The following NLGN1 variants were observed in gnomAD, a reference collection of about 807,000 sequenced individuals.
The protein encoded by NLGN1 is neuroligin-1.
A neutral mutation model predicts 65.5 loss-of-function variants in NLGN1; 12 were observed. The observed-to-expected ratio is 0.18, with a 90% CI of 0.12 to 0.30. NLGN1 has a LOEUF of 0.30. Ranked by LOEUF, NLGN1 falls within the 10% of genes least tolerant of loss-of-function variation. NLGN1 has a pLI of 1.00. For missense variants in NLGN1, 750 were observed against 1,007.1 expected (o/e 0.74, Z 3.46); for synonymous variants, 350 against 359.5 (o/e 0.97, Z 0.30).
intron 3 of NLGN1, among the ~76,000 whole-genome samples, chr3:173,792,621 C>A (rs983419063): frequency 6.6e-6 from 1 of 151,832 alleles, no homozygotes; most frequent in African/African-American, 2.4e-5. Context: ...TGTTCAACGG[C>A]ACAAGACTCA....
intron 3 of NLGN1, among the ~76,000 whole-genome samples, chr3:173,686,310 C>A (rs1248072088): frequency 6.6e-6 from 1 of 151,534 alleles, no homozygotes; most frequent in African/African-American, 2.4e-5. Flanking sequence ...AATAAAATTA[C>A]CCCAACTGTT....
At chr3:174,284,495 G>A (rs564120185) in exon 7 of NLGN1, 13 of 151,230 alleles carry the variant, frequency 8.6e-5, no homozygotes, top group Non-Finnish European at 1.5e-4. Flanking sequence ...TCCTGCCTCC[G>A]ATTAAAAATT....
At chr3:173,632,849 G>GTTTTTTTTTTTTTTTTTTTT (rs5854526) in intron 3 of NLGN1, among the ~76,000 whole-genome samples, 1 of 116,428 alleles carries the variant, frequency 8.6e-6, no homozygotes, top group Admixed American at 9.4e-5. Context: ...TTTTTTTTTT[G>GTTTTTTTTTTTTTTTTTTTT]TTTTTTTTTT....
chr3:173,908,156 A>C (rs1738838133), intron 4 of NLGN1, among the ~76,000 whole-genome samples: 1 of 152,218 alleles, frequency 6.6e-6, no homozygotes, highest in Non-Finnish European at 1.5e-5. Context: ...CATTTATACC[A>C]AATAAACTGG....
chr3:173,986,113 C>G (rs1719843268), intron 4 of NLGN1, among the ~76,000 whole-genome samples: 1 of 152,150 alleles, frequency 6.6e-6, no homozygotes, highest in South Asian at 2.1e-4. Flanking sequence ...GTTAAGTCGA[C>G]ATGAAGTCAT....
intron 4 of NLGN1, among the ~76,000 whole-genome samples, chr3:174,251,891 C>A (rs1270220027): frequency 6.6e-6 from 1 of 152,060 alleles, no homozygotes; most frequent in Non-Finnish European, 1.5e-5. Flanking sequence ...TGTTTTCCAT[C>A]TTTTCTGAGT....
At chr3:173,688,621 G>A (rs542256659) in intron 3 of NLGN1, among the ~76,000 whole-genome samples, 27 of 152,214 alleles carry the variant, frequency 1.8e-4, no homozygotes, top group Non-Finnish European at 4.0e-4. Flanking sequence ...CAGACACTAC[G>A]TTATTAAAGA....
intron 4 of NLGN1, among the ~76,000 whole-genome samples, chr3:173,896,540 T>C (rs1008058291): frequency 6.6e-5 from 10 of 152,212 alleles, no homozygotes; most frequent in Non-Finnish European, 1.0e-4. Flanking sequence ...CATTTTACTT[T>C]CATAGTGTTT....
intron 1 of NLGN1, among the ~76,000 whole-genome samples, chr3:173,428,420 C>A (rs1185779584): frequency 1.3e-5 from 2 of 150,384 alleles, no homozygotes. Flanking sequence ...TATTTAATTT[C>A]TTACTTTTTA....
intron 4 of NLGN1, among the ~76,000 whole-genome samples, chr3:174,025,763 A>C (rs1255711483): frequency 1.3e-5 from 2 of 152,230 alleles, no homozygotes; most frequent in Non-Finnish European, 2.9e-5. Flanking sequence ...ATAGGAAAGT[A>C]AACTGGATTA....
At chr3:174,040,024 T>G (rs1323097895) in intron 4 of NLGN1, among the ~76,000 whole-genome samples, 1 of 152,168 alleles carries the variant, frequency 6.6e-6, no homozygotes, top group Non-Finnish European at 1.5e-5. Context: ...AGGCCAATAT[T>G]CAAAATTCTC....
At chr3:173,832,551 T>C (rs1484221911) in intron 4 of NLGN1, among the ~76,000 whole-genome samples, 1 of 152,232 alleles carries the variant, frequency 6.6e-6, no homozygotes, top group African/African-American at 2.4e-5. Context: ...CAAAAAGGTA[T>C]GTATGAAATA....
chr3:173,883,786 T>C (rs1578978223), intron 4 of NLGN1, among the ~76,000 whole-genome samples: 1 of 151,784 alleles, frequency 6.6e-6, no homozygotes, highest in South Asian at 2.1e-4. Flanking sequence ...AATAATTGTT[T>C]TATTAGTTTT....
At chr3:173,413,411 C>T (rs1443955704) in intron 1 of NLGN1, among the ~76,000 whole-genome samples, 3 of 151,926 alleles carry the variant, frequency 2.0e-5, no homozygotes, top group African/African-American at 7.3e-5. Flanking sequence ...ACCAGCCTGA[C>T]CGATACGATG....
intron 4 of NLGN1, among the ~76,000 whole-genome samples, chr3:174,047,748 A>C (rs1324527672): frequency 6.6e-6 from 1 of 151,680 alleles, no homozygotes; most frequent in Non-Finnish European, 1.5e-5. Flanking sequence ...TCCTATCATT[A>C]TTTTATTTGC....
intron 4 of NLGN1, among the ~76,000 whole-genome samples, chr3:174,015,742 A>C (rs542605205): frequency 1.2e-3 from 189 of 152,304 alleles, no homozygotes; most frequent in African/African-American, 4.4e-3. Flanking sequence ...GCCCAAGGTT[A>C]TTACACCAAT....
At chr3:173,853,046 C>G (rs1382137713) in intron 4 of NLGN1, among the ~76,000 whole-genome samples, 1 of 152,168 alleles carries the variant, frequency 6.6e-6, no homozygotes, top group African/African-American at 2.4e-5. Flanking sequence ...ACCCAATTCT[C>G]TACACATTTA....
chr3:173,528,783 T>G (rs1182903006), intron 2 of NLGN1, among the ~76,000 whole-genome samples: 1 of 152,218 alleles, frequency 6.6e-6, no homozygotes, highest in Admixed American at 6.5e-5. Context: ...ATTTTTCATT[T>G]CCAAACGTTC....
chr3:173,498,680 AGT>A (rs1730463137), intron 2 of NLGN1, among the ~76,000 whole-genome samples: 1 of 151,830 alleles, frequency 6.6e-6, no homozygotes, highest in South Asian at 2.1e-4. Context: ...ATAGTGTAAA[AGT>A]GTTCCTATTT....
Sources: gnomAD v4.1 joint callset for allele counts (sites outside exome capture counted in the v4.1 genomes callset) on GRCh38, gnomAD v4.1.1 for gene constraint, MANE v1.5 for transcripts, NCBI Gene and HGNC (gene_info 2026-07-23, HGNC 2026-07-21) for gene names.